ZNF831: variants seen among roughly 807,000 people sequenced by gnomAD.
The protein encoded by ZNF831 is zinc finger protein 831.
ZNF831 carries 59 observed loss-of-function variants against 95.8 expected under a neutral mutation model. The ratio of observed to expected loss-of-function variants is 0.62; its 90% CI spans 0.50 to 0.77. ZNF831 has a LOEUF of 0.77. ZNF831 is among the 30% of genes least tolerant of loss of function. The probability of loss-of-function intolerance (pLI) is 0.00; values close to 1 mark genes in which losing one functional copy is unlikely to be tolerated. For synonymous variants in ZNF831, 961 were observed against 925.5 expected, an observed-to-expected ratio of 1.04 and a Z score of -0.70; for missense variants, 2,205 against 2,164.0, an observed-to-expected ratio of 1.02 and a Z score of -0.38.
intron 1 of ZNF831, among the ~76,000 whole-genome samples, chr20:59,178,626 C>T (rs1265392902): frequency 2.0e-5 from 3 of 152,212 alleles, no homozygotes; most frequent in Admixed American, 1.3e-4. Context: ...ATAACTCACT[C>T]TACAACTTGG....
chr20:59,134,568 A>T (rs1435772846), intron 1 of ZNF831, among the ~76,000 whole-genome samples: 1 of 152,154 alleles, frequency 6.6e-6, no homozygotes, highest in Non-Finnish European at 1.5e-5. Context: ...CCTCTCAGAG[A>T]CCTGAGAAGG....
At chr20:59,129,716 C>G (rs540303477) in intron 1 of ZNF831, among the ~76,000 whole-genome samples, 63 of 152,340 alleles carry the variant, frequency 4.1e-4, no homozygotes, top group Non-Finnish European at 1.5e-4. Context: ...CCTCCCTAAC[C>G]TCTGGCCAGC....
intron 2 of ZNF831, among the ~76,000 whole-genome samples, chr20:59,149,230 C>T (rs948377053): frequency 6.6e-6 from 1 of 152,186 alleles, no homozygotes; most frequent in Non-Finnish European, 1.5e-5. Context: ...CCTAGACTCC[C>T]TTTGCTGCTT....
chr20:59,216,121 AC>A lies in ZNF831; in HGVS notation c.4027+9067del, dbSNP rs200145803. Among the ~76,000 whole-genome samples, 3 of 152,182 alleles carry A rather than the reference AC, an allele frequency of 2.0e-5. No individual in the cohort carries two copies. The East Asian group carries it at 5.8e-4, about 29-fold the overall frequency. ...TTTTGCTTATCAATCACCTAAAATA[AC>A]CACCAACCCCCACACCCTTCCCTGG... On this transcript the variant is annotated intron_variant, in intron 4 of 5. Transcript: ENST00000371030.
intron 1 of ZNF831, among the ~76,000 whole-genome samples, chr20:59,185,996 C>G (rs1983000477): frequency 6.6e-6 from 1 of 152,224 alleles, no homozygotes; most frequent in Admixed American, 6.5e-5. Context: ...TGATGGCTCC[C>G]TGTGGCCACA....
chr20:59,239,605 A>T (rs1987203664), intron 4 of ZNF831, among the ~76,000 whole-genome samples: 1 of 140,920 alleles, frequency 7.1e-6, no homozygotes, highest in Non-Finnish European at 1.5e-5. Flanking sequence ...GCTGGAGTAT[A>T]GTGACCTTGG....
intron 5 of ZNF831, among the ~76,000 whole-genome samples, chr20:59,253,518 C>T (rs943036367): frequency 6.6e-5 from 10 of 152,114 alleles, no homozygotes; most frequent in South Asian, 6.2e-4. Flanking sequence ...AACACTCATC[C>T]GGAAAAAACC....
At chr20:59,221,908 C>T (rs1260686723) in intron 4 of ZNF831, among the ~76,000 whole-genome samples, 1 of 152,170 alleles carries the variant, frequency 6.6e-6, no homozygotes, top group African/African-American at 2.4e-5. Flanking sequence ...ATTAAGTGTT[C>T]GTTAAGCACC....
intron 1 of ZNF831, among the ~76,000 whole-genome samples, chr20:59,144,039 T>C (rs1283068601): frequency 6.6e-6 from 1 of 152,228 alleles, no homozygotes; most frequent in African/African-American, 2.4e-5. Context: ...GTTCAAGTTG[T>C]CTGATGTACT....
At position 59,193,938 on chromosome 20, in the gene ZNF831, T is replaced by C. The variant is rs768915173; in HGVS notation, c.2919T>C (p.Pro973=). 4 of 1,586,892 alleles carry C rather than the reference T, an allele frequency of 2.5e-6. No individual in the cohort carries two copies. In the Admixed American group the frequency reaches 5.3e-5, roughly 21 times the overall value. The part of the protein sequence containing the change: ...SQDSLCSSGW[P]EERASFVGSG... ...ACTCTCTCTGCAGCAGTGGGTGGCC[T>C]GAAGAACGGGCATCATTTGTTGGGT... Residue 973 remains proline, a synonymous_variant, in exon 2 of 6, where the codon CCT becomes CCC. Transcript: ENST00000371030.
chr20:59,235,049 C>T (rs151061831), intron 4 of ZNF831, among the ~76,000 whole-genome samples: 19 of 152,232 alleles, frequency 1.2e-4, no homozygotes, highest in African/African-American at 4.6e-4. Context: ...CCTCTCAGCC[C>T]CGGCTCTCAG....
intron 1 of ZNF831, among the ~76,000 whole-genome samples, chr20:59,185,630 G>A (rs944389842): frequency 3.3e-5 from 5 of 152,088 alleles, no homozygotes; most frequent in African/African-American, 7.2e-5. Flanking sequence ...GTCCTGCAGC[G>A]AGAGCTCTGC....
chr20:59,124,907 C>G (rs754996489), intron 1 of ZNF831, among the ~76,000 whole-genome samples: 1 of 152,178 alleles, frequency 6.6e-6, no homozygotes, highest in Non-Finnish European at 1.5e-5. Flanking sequence ...TCCCCGTGCA[C>G]GGGGTCAAGT....
intron 1 of ZNF831, among the ~76,000 whole-genome samples, chr20:59,173,956 A>G (rs1275879827): frequency 6.6e-6 from 1 of 152,182 alleles, no homozygotes; most frequent in African/African-American, 2.4e-5. Flanking sequence ...TCATTGGAGA[A>G]GCTGTGATTT....
rs2146572855 is a variant in ZNF831, at chr20:59,192,837, G to C, written c.1818G>C (p.Lys606Asn). The change falls in exon 2 of 6, where the codon AAG becomes AAC. Residue 606 changes from lysine (K) to asparagine (N), a missense_variant. Transcript: ENST00000371030. This position sits in a 1 kb window ranked among gnomAD's most constrained non-coding sequence, Gnocchi z 5.2. ...MAGKGRAGGR[K>N]CGQRRLKMFS... ...GCAAGGGCAGAGCGGGCGGCAGGAA[G>C]TGCGGCCAGAGAAGGCTGAAGATGT... 1.9e-6 allele frequency: 3 copies of C among 1,607,256 alleles called. No individual in the cohort carries two copies. The highest frequency in any genetic ancestry group is 2.5e-6 in the Non-Finnish European group (3 of 1,177,052).
chr20:59,232,993 G>GGCGC (rs1324277025), intron 4 of ZNF831, among the ~76,000 whole-genome samples: 6 of 98,006 alleles, frequency 6.1e-5, no homozygotes, highest in African/African-American at 2.4e-4. Context: ...AGGACCCTGA[G>GGCGC]GCACACACAC....
chr20:59,203,442 G>C lies in ZNF831; in HGVS notation c.3876-3463G>C, dbSNP rs1011249145. ...AGTGGTCTTCCTGCCTCAGCTTCTG[G>C]AGTAGCTGGGAGTACAGGCATGCAC... On this transcript the variant is annotated intron_variant, in intron 3 of 5. Transcript: ENST00000371030. Among the ~76,000 whole-genome samples, 12 of 152,244 alleles carry C rather than the reference G, an allele frequency of 7.9e-5. No homozygotes were observed. In the Middle Eastern group the frequency reaches 0.014, roughly 173 times the overall value.
chr20:59,140,180 A>G (rs747288319), intron 1 of ZNF831, among the ~76,000 whole-genome samples: 6 of 152,236 alleles, frequency 3.9e-5, no homozygotes, highest in Non-Finnish European at 8.8e-5. Context: ...TTTCTTTCAG[A>G]GACTGCCCTT....
At chr20:59,179,114 C>G (rs1211020748) in intron 1 of ZNF831, among the ~76,000 whole-genome samples, 1 of 152,240 alleles carries the variant, frequency 6.6e-6, no homozygotes, top group Non-Finnish European at 1.5e-5. Flanking sequence ...ACGACAGACT[C>G]TGTTCATATC....
Sources: allele counts gnomAD v4.1 joint callset (sites outside exome capture counted in the v4.1 genomes callset), GRCh38; gene constraint gnomAD v4.1.1; non-coding constraint Gnocchi (gnomAD v3.1); transcripts MANE v1.5; gene names NCBI Gene and HGNC (gene_info 2026-07-23, HGNC 2026-07-21).